The following DRC8 variants were observed in gnomAD, a reference collection of about 807,000 sequenced individuals.
The protein encoded by DRC8 is dynein regulatory complex protein 8.
the DRC8 span, among the ~76,000 whole-genome samples, chr1:245,027,863 CTT>C: frequency 4.2e-5 from 6 of 141,514 alleles, no homozygotes; most frequent in African/African-American, 7.8e-5. Flanking sequence ...TGTTGATTCT[CTT>C]GTCAGTTTTT....
chr1:245,023,643 A>G, the DRC8 span, among the ~76,000 whole-genome samples: 2 of 152,010 alleles, frequency 1.3e-5, no homozygotes, highest in African/African-American at 4.8e-5. Context: ...TTTGATTTGC[A>G]TTTTCCTAAT....
chr1:245,003,599 GT>G, the DRC8 span, among the ~76,000 whole-genome samples: 2 of 151,770 alleles, frequency 1.3e-5, no homozygotes, highest in East Asian at 1.9e-4. Context: ...TCATTTGGAG[GT>G]TTTTTTTGAG....
the DRC8 span, among the ~76,000 whole-genome samples, chr1:245,040,148 C>A: frequency 6.6e-6 from 1 of 152,220 alleles, no homozygotes; most frequent in East Asian, 1.9e-4. Flanking sequence ...AAAGGAAATT[C>A]CAGGACAGTG....
the DRC8 span, among the ~76,000 whole-genome samples, chr1:245,056,303 C>CT: frequency 5.3e-5 from 8 of 149,914 alleles, no homozygotes; most frequent in Admixed American, 2.0e-4. Context: ...TTGCTTAATA[C>CT]TTTTTTTTTT....
chr1:245,100,658 G>A, the DRC8 span, among the ~76,000 whole-genome samples: 1 of 151,626 alleles, frequency 6.6e-6, no homozygotes, highest in Non-Finnish European at 1.5e-5. Flanking sequence ...GTGCACGCCT[G>A]TAGTCCCAGC....
chr1:245,006,257 CA>C, the DRC8 span, among the ~76,000 whole-genome samples: 5 of 151,774 alleles, frequency 3.3e-5, no homozygotes, highest in African/African-American at 1.2e-4. Context: ...AGACTAAAGG[CA>C]AAAAGGCAGG....
chr1:245,106,006 G>T, the DRC8 span, among the ~76,000 whole-genome samples: 5 of 152,194 alleles, frequency 3.3e-5, no homozygotes, highest in African/African-American at 1.2e-4. Context: ...TTGAGCCCAG[G>T]AGTTCGAGGC....
the DRC8 span, among the ~76,000 whole-genome samples, chr1:245,004,631 C>G: frequency 1.3e-5 from 2 of 152,192 alleles, no homozygotes; most frequent in African/African-American, 4.8e-5. Context: ...GTGCTATAAA[C>G]TTAGACCAAA....
the DRC8 span, among the ~76,000 whole-genome samples, chr1:245,027,304 A>G: frequency 6.6e-6 from 1 of 152,156 alleles, no homozygotes; most frequent in Non-Finnish European, 1.5e-5. Context: ...TCCCTGTGTA[A>G]TAAAATAAGT....
chr1:244,970,888 C>T, the DRC8 span: 1 of 205,648 alleles, frequency 4.9e-6, no homozygotes, highest in African/African-American at 2.4e-5. Flanking sequence ...GCGGGGAAGC[C>T]GCCGCCGCCT....
At chr1:245,017,990 G>A in the DRC8 span, among the ~76,000 whole-genome samples, 2 of 152,160 alleles carry the variant, frequency 1.3e-5, no homozygotes, top group East Asian at 3.8e-4. Flanking sequence ...ACTTTGGGAG[G>A]TCAAGGTGGA....
chr1:245,080,348 A>G, the DRC8 span, among the ~76,000 whole-genome samples: 2 of 152,280 alleles, frequency 1.3e-5, no homozygotes, highest in African/African-American at 4.8e-5. Flanking sequence ...TTTTGTTCTC[A>G]TTTACTAGTG....
the DRC8 span, among the ~76,000 whole-genome samples, chr1:245,010,020 C>T: frequency 6.6e-6 from 1 of 152,000 alleles, no homozygotes; most frequent in Non-Finnish European, 1.5e-5. Context: ...GCCACCACGT[C>T]CAGCTAATTT....
chr1:245,061,003 G>A, the DRC8 span, among the ~76,000 whole-genome samples: 1,654 of 151,640 alleles, frequency 0.011, 84 homozygotes, highest in East Asian at 0.14. Context: ...AGCTTGGAAA[G>A]CTTAAGATAT....
At chr1:244,973,128 G>A in the DRC8 span, among the ~76,000 whole-genome samples, 3 of 152,164 alleles carry the variant, frequency 2.0e-5, no homozygotes, top group African/African-American at 4.8e-5. Context: ...AAAGACTGAT[G>A]TGCAAACCTG....
At chr1:244,971,732 T>C in the DRC8 span, among the ~76,000 whole-genome samples, 2 of 152,136 alleles carry the variant, frequency 1.3e-5, no homozygotes, top group African/African-American at 2.4e-5. Context: ...CCCTGAGATA[T>C]TTAGTCACTT....
At chr1:245,013,915 C>T in the DRC8 span, among the ~76,000 whole-genome samples, 2 of 151,336 alleles carry the variant, frequency 1.3e-5, no homozygotes, top group East Asian at 3.9e-4. Context: ...ACCTGTAATC[C>T]CAGCTACTCC....
chr1:244,970,110 G>T, the DRC8 span: 1 of 674,340 alleles, frequency 1.5e-6, no homozygotes, highest in Non-Finnish European at 2.7e-6. Context: ...TGGGGACCGT[G>T]TGATGAAGCA....
chr1:245,106,838 G>C, the DRC8 span, among the ~76,000 whole-genome samples: 1 of 152,190 alleles, frequency 6.6e-6, no homozygotes, highest in Admixed American at 6.5e-5. Flanking sequence ...TGAGGTGTTT[G>C]AGACCAGCCT....
Sources: gnomAD v4.1 joint callset for allele counts (sites outside exome capture counted in the v4.1 genomes callset) on GRCh38, gnomAD v4.1.1 for gene constraint, MANE v1.5 for transcripts, NCBI Gene and HGNC (gene_info 2026-07-23, HGNC 2026-07-21) for gene names.